Variants in CAST observed in about 807,000 individuals in gnomAD.
CAST encodes the protein calpastatin, also known as MIR583 host.
In CAST, 76 loss-of-function variants were observed where a neutral mutation model predicts 119.6. The ratio of observed to expected loss-of-function variants is 0.64; its 90% CI spans 0.53 to 0.77. CAST has a LOEUF of 0.77. Among genes scored for constraint, CAST ranks in the 30% least tolerant of loss-of-function variants. CAST has a pLI of 0.00. For missense variants in CAST, 953 were observed against 946.5 expected (o/e 1.01, Z -0.09); for synonymous variants, 319 against 331.6 (o/e 0.96, Z 0.41).
chr5:96,232,979 C>T, the CAST span, among the ~76,000 whole-genome samples: 4 of 151,992 alleles, frequency 2.6e-5, no homozygotes, highest in Non-Finnish European at 4.4e-5. Flanking sequence ...AACACAGATA[C>T]TTATTACAGC....
At chr5:96,522,656 A>G (rs1354372437), upstream of CAST, among the ~76,000 whole-genome samples, 1 of 152,190 alleles carries the variant, frequency 6.6e-6, no homozygotes, top group African/African-American at 2.4e-5. Flanking sequence ...CCCACTAACC[A>G]TCATAGGACC....
At chr5:96,043,956 G>T in the CAST span, among the ~76,000 whole-genome samples, 3 of 152,304 alleles carry the variant, frequency 2.0e-5, no homozygotes, top group African/African-American at 7.2e-5. Flanking sequence ...TTCAGAAAAA[G>T]AATTCAATGA....
the CAST span, among the ~76,000 whole-genome samples, chr5:96,182,863 G>GC: frequency 1.3e-3 from 194 of 152,282 alleles, 4 homozygotes; most frequent in Non-Finnish European, 2.4e-4. Flanking sequence ...TTCTGGCCGG[G>GC]CATGGTGGCT....
the CAST span, among the ~76,000 whole-genome samples, chr5:96,072,553 C>T: frequency 2.0e-5 from 3 of 152,168 alleles, no homozygotes; most frequent in Non-Finnish European, 2.9e-5. Context: ...CTCTGTTTTA[C>T]ATATTGAGTT....
At chr5:96,156,975 T>A in the CAST span, among the ~76,000 whole-genome samples, 1 of 152,244 alleles carries the variant, frequency 6.6e-6, no homozygotes, top group Non-Finnish European at 1.5e-5. Context: ...AAATAATATA[T>A]GTTATAAAAC....
chr5:96,068,392 C>T, the CAST span, among the ~76,000 whole-genome samples: 9 of 152,014 alleles, frequency 5.9e-5, no homozygotes, highest in Non-Finnish European at 1.2e-4. Context: ...TCATGCTCCA[C>T]CCCGCTAGAA....
intron 1 of CAST, among the ~76,000 whole-genome samples, chr5:96,625,030 G>T (rs967548832): frequency 6.6e-6 from 1 of 152,186 alleles, no homozygotes; most frequent in African/African-American, 2.4e-5. Context: ...TCCCTGTGAT[G>T]ATGCCTTATT....
At chr5:96,370,517 T>C in the CAST span, among the ~76,000 whole-genome samples, 2 of 152,152 alleles carry the variant, frequency 1.3e-5, no homozygotes, top group Non-Finnish European at 1.5e-5. Flanking sequence ...CCAGACTGGT[T>C]CTTTAATTTT....
chr5:96,475,592 G>C, the CAST span, among the ~76,000 whole-genome samples: 3 of 152,184 alleles, frequency 2.0e-5, no homozygotes, highest in Admixed American at 2.0e-4. Flanking sequence ...AGGTAAAAGA[G>C]CCTCTGTGTA....
At chr5:96,663,116 C>A (rs1224294941) in intron 1 of CAST, 3 of 702,426 alleles carry the variant, frequency 4.3e-6, no homozygotes, top group Admixed American at 4.0e-5. Flanking sequence ...CCGTGCGGAT[C>A]GGAGCCAGCC....
intron 2 of CAST, 170 bp from the exon 3 acceptor site, chr5:96,695,666 A>G (rs1753197192): frequency 2.1e-6 from 1 of 483,468 alleles, no homozygotes; most frequent in Admixed American, 3.3e-5. Flanking sequence ...TATTTGTATC[A>G]TCTTCAGGCA....
the CAST span, among the ~76,000 whole-genome samples, chr5:96,341,733 CA>C: frequency 1.3e-5 from 2 of 152,100 alleles, no homozygotes; most frequent in Admixed American, 6.5e-5. Context: ...ATGGTAAAAA[CA>C]ATAAAATATT....
chr5:96,064,972 A>T, the CAST span, among the ~76,000 whole-genome samples: 1 of 152,130 alleles, frequency 6.6e-6, no homozygotes, highest in Admixed American at 6.6e-5. Context: ...CTTTCCGCTG[A>T]CTTCACATGT....
chr5:96,463,883 T>C, the CAST span, among the ~76,000 whole-genome samples: 2 of 152,126 alleles, frequency 1.3e-5, no homozygotes, highest in Non-Finnish European at 2.9e-5. Context: ...CTTATTCTTT[T>C]TATGAACCTC....
intron 1 of CAST, among the ~76,000 whole-genome samples, chr5:96,592,824 C>G (rs537351334): frequency 2.3e-4 from 35 of 151,520 alleles, no homozygotes; most frequent in African/African-American, 7.0e-4. Context: ...GAGTGCAGTG[C>G]CGTGATCTCT....
intron 3 of CAST, among the ~76,000 whole-genome samples, chr5:96,711,527 A>G (rs1756148764): frequency 6.6e-6 from 1 of 152,188 alleles, no homozygotes; most frequent in Non-Finnish European, 1.5e-5. Context: ...GATTTCATTT[A>G]TTCCTTGTAA....
the CAST span, among the ~76,000 whole-genome samples, chr5:96,444,826 T>A: frequency 6.6e-6 from 1 of 152,196 alleles, no homozygotes; most frequent in Non-Finnish European, 1.5e-5. Context: ...TATGGTTCAG[T>A]CCCTTTTCTC....
chr5:96,707,409 C>CA (rs767961257), intron 3 of CAST, among the ~76,000 whole-genome samples: 13 of 149,900 alleles, frequency 8.7e-5, no homozygotes, highest in Non-Finnish European at 1.8e-4. Context: ...TTTTTTGAGA[C>CA]AGAGTCTCGC....
At chr5:96,567,297 C>T (rs1479057515) in intron 1 of CAST, among the ~76,000 whole-genome samples, 2 of 152,142 alleles carry the variant, frequency 1.3e-5, no homozygotes, top group African/African-American at 4.8e-5. Flanking sequence ...TCAAACCACA[C>T]CCAACTCTGC....
Sources: allele counts gnomAD v4.1 joint callset (sites outside exome capture counted in the v4.1 genomes callset), GRCh38; gene constraint gnomAD v4.1.1; transcripts MANE v1.5; gene names NCBI Gene and HGNC (gene_info 2026-07-23, HGNC 2026-07-21).